Variants in VMP1 observed in about 807,000 individuals in gnomAD.
The protein encoded by VMP1 is ectopic P-granules autophagy protein 3 homolog.
VMP1 carries 11 observed loss-of-function variants against 56.0 expected under a neutral mutation model. The observed-to-expected ratio is 0.20, with a 90% confidence interval of 0.12 to 0.32. The LOEUF (loss-of-function observed/expected upper bound fraction) is 0.32. VMP1 is among the 10% of genes least tolerant of loss of function. The probability of loss-of-function intolerance (pLI) is 1.00; values close to 1 mark genes in which losing one functional copy is unlikely to be tolerated. For missense variants in VMP1, 296 were observed against 490.3 expected, an observed-to-expected ratio of 0.60 and a Z score of 3.74; for synonymous variants, 149 against 165.0, an observed-to-expected ratio of 0.90 and a Z score of 0.74.
chr17:59,794,030 C>T (rs1245981487), intron 7 of VMP1, among the ~76,000 whole-genome samples: 2 of 150,656 alleles, frequency 1.3e-5, no homozygotes, highest in Non-Finnish European at 3.0e-5. Context: ...ATGCCATTCT[C>T]CTGCCCCAGC....
intron 6 of VMP1, among the ~76,000 whole-genome samples, chr17:59,767,257 T>C (rs984696876): frequency 6.6e-6 from 1 of 152,052 alleles, no homozygotes; most frequent in African/African-American, 2.4e-5. Context: ...ATGAATACCA[T>C]ACCCTCAGGA....
At position 59,832,672 on chromosome 17, in the gene VMP1, C is replaced by A. The variant is rs188911850; in HGVS notation, c.975-5623C>A. ...GCAGTGGCACAATCTCGGCTCACTG[C>A]ACCCTTCGCCTCCCGGGTTCAAGCG... is the stretch of plus-strand genomic sequence containing the variant. On this transcript the variant is annotated intron_variant, in intron 10 of 11. Coordinates refer to ENST00000262291, the MANE Select transcript of VMP1 (RefSeq NM_030938.5). Among the ~76,000 whole-genome samples the A allele has an allele frequency of 2.8e-3, 425 of 151,908 alleles. 4 individuals are homozygous for A. Among genetic ancestry groups the A allele is most frequent in the Non-Finnish European group, 3.8e-3 (261 of 67,962 alleles).
intron 8 of VMP1, among the ~76,000 whole-genome samples, chr17:59,810,152 GTGTT>G (rs1488614325): frequency 4.0e-5 from 6 of 151,828 alleles, no homozygotes; most frequent in Non-Finnish European, 7.4e-5. Flanking sequence ...TCCTTTTTTT[GTGTT>G]TGTTTTTCTT....
intron 1 of VMP1, among the ~76,000 whole-genome samples, chr17:59,720,961 G>A (rs914593178): frequency 4.0e-5 from 6 of 150,980 alleles, no homozygotes; most frequent in Non-Finnish European, 7.4e-5. Context: ...CAACAAGAGC[G>A]AAACTCCATC....
chr17:59,787,425 G>T (rs1342126993), intron 7 of VMP1, among the ~76,000 whole-genome samples: 1 of 152,204 alleles, frequency 6.6e-6, no homozygotes, highest in Admixed American at 6.5e-5. Context: ...TGAATGGCCA[G>T]TGGGAAACTT....
At chr17:59,800,016 A>G (rs910608300) in intron 7 of VMP1, among the ~76,000 whole-genome samples, 2 of 152,000 alleles carry the variant, frequency 1.3e-5, no homozygotes, top group Non-Finnish European at 2.9e-5. Flanking sequence ...ATAAGCAATT[A>G]CTTTAGTGAT....
intron 5 of VMP1, among the ~76,000 whole-genome samples, chr17:59,762,856 AT>A (rs146033506): frequency 0.037 from 5,620 of 152,240 alleles, 373 homozygotes; most frequent in African/African-American, 0.13. Context: ...CTTTTATTTT[AT>A]TGGATAATGT....
intron 5 of VMP1, among the ~76,000 whole-genome samples, chr17:59,757,245 A>C (rs769349434): frequency 0.039 from 3,436 of 87,562 alleles, 78 homozygotes; most frequent in African/African-American, 0.14. Flanking sequence ...ATGGAGATAG[A>C]TAGATAGATA....
intron 4 of VMP1, 73 bp downstream of exon 4, chr17:59,737,616 G>A (rs2035064974): frequency 1.5e-6 from 2 of 1,327,054 alleles, no homozygotes; most frequent in Non-Finnish European, 2.1e-6. Flanking sequence ...CAAATGGGAT[G>A]AATGTGGGTT....
At chr17:59,736,973 G>A (rs1411504664) in intron 3 of VMP1, among the ~76,000 whole-genome samples, 2 of 152,082 alleles carry the variant, frequency 1.3e-5, no homozygotes, top group African/African-American at 4.8e-5. Context: ...CCCGGGAGGT[G>A]GAGCTTGCAG....
At chr17:59,729,444 C>T (rs1330793778) in intron 1 of VMP1, among the ~76,000 whole-genome samples, 1 of 146,428 alleles carries the variant, frequency 6.8e-6, no homozygotes, top group African/African-American at 2.5e-5. Flanking sequence ...GATCATGCCA[C>T]TGCACTCCAG....
intron 7 of VMP1, among the ~76,000 whole-genome samples, chr17:59,807,848 A>AG (rs982016822): frequency 4.0e-5 from 6 of 151,520 alleles, no homozygotes; most frequent in Non-Finnish European, 8.8e-5. Context: ...AAAAAAAAAA[A>AG]AAAGAAAGTT....
intron 10 of VMP1, among the ~76,000 whole-genome samples, chr17:59,835,253 C>T (rs1416310146): frequency 1.3e-5 from 2 of 151,134 alleles, no homozygotes; most frequent in East Asian, 2.0e-4. Context: ...CTCAGCCTCC[C>T]GAGTAGCTGG....
chr17:59,800,896 A>G (rs1220146766), intron 7 of VMP1, among the ~76,000 whole-genome samples: 1 of 151,990 alleles, frequency 6.6e-6, no homozygotes, highest in African/African-American at 2.4e-5. Flanking sequence ...CCTGGCCAGC[A>G]TGGTGAAACC....
chr17:59,738,178 ATAGG>A (rs1257509038), intron 4 of VMP1, among the ~76,000 whole-genome samples: 1 of 152,202 alleles, frequency 6.6e-6, no homozygotes, highest in Non-Finnish European at 1.5e-5. Context: ...ACCCATCCAA[ATAGG>A]TAGGCCTCTC....
At chr17:59,719,009 T>C (rs569779632) in intron 1 of VMP1, among the ~76,000 whole-genome samples, 21 of 152,308 alleles carry the variant, frequency 1.4e-4, no homozygotes, top group Admixed American at 5.2e-4. Flanking sequence ...GTTACTCTGA[T>C]ATTGTGCATT....
chr17:59,757,538 T>C (rs1241317368), intron 5 of VMP1, among the ~76,000 whole-genome samples: 1 of 152,138 alleles, frequency 6.6e-6, no homozygotes, highest in Non-Finnish European at 1.5e-5. Flanking sequence ...AGATAAAATA[T>C]CTTTTTCCAC....
rs760734097 is a variant in VMP1 at position 59,772,198 on chromosome 17, C to T, written c.583-1556C>T. Among the ~76,000 whole-genome samples the T allele has an allele frequency of 8.0e-4, 122 of 151,776 alleles. 1 individual carries two copies. The highest frequency in any genetic ancestry group is 2.0e-3 in the Admixed American group (31 of 15,244). ...TAGAGTTGGGGTTTCGCCATGTTGC[C>T]GAGGCTGGTCTCAAACTCCTGAGCT... On this transcript the variant is annotated intron_variant, in intron 6 of 11. Coordinates refer to ENST00000262291, the MANE Select transcript of VMP1 (RefSeq NM_030938.5).
At chr17:59,792,087 CAT>C (rs1446844972) in intron 7 of VMP1, among the ~76,000 whole-genome samples, 1 of 152,024 alleles carries the variant, frequency 6.6e-6, no homozygotes, top group Non-Finnish European at 1.5e-5. Context: ...ACCTAGGAAA[CAT>C]AGTGAAACCC....
Sources: gnomAD v4.1 joint callset for allele counts (sites outside exome capture counted in the v4.1 genomes callset) on GRCh38, gnomAD v4.1.1 for gene constraint, MANE v1.5 for transcripts, NCBI Gene and HGNC (gene_info 2026-07-23, HGNC 2026-07-21) for gene names.